The following SLC35F1 variants were observed in gnomAD, a reference collection of about 807,000 sequenced individuals.
SLC35F1 encodes the protein chromosome 6 open reading frame 169.
In SLC35F1, 14 loss-of-function variants were observed where a neutral mutation model predicts 48.7. That is an observed-to-expected ratio of 0.29 (90% confidence interval 0.19 to 0.45). SLC35F1 has a LOEUF of 0.45. SLC35F1 is among the 20% of genes least tolerant of loss of function. The pLI, the probability that SLC35F1 is intolerant of heterozygous loss-of-function variation, is 1.00. For synonymous variants in SLC35F1, 190 were observed against 202.2 expected, an observed-to-expected ratio of 0.94 and a Z score of 0.51; for missense variants, 404 against 500.0, an observed-to-expected ratio of 0.81 and a Z score of 1.83.
intron 3 of SLC35F1, among the ~76,000 whole-genome samples, chr6:118,257,715 G>A (rs1251283718): frequency 1.3e-5 from 2 of 152,136 alleles, no homozygotes; most frequent in African/African-American, 4.8e-5. Context: ...ACAAAAGACA[G>A]CCTCTAAATA....
intron 2 of SLC35F1, among the ~76,000 whole-genome samples, chr6:118,215,818 G>A (rs1348657461): frequency 1.4e-4 from 22 of 152,118 alleles, no homozygotes. Flanking sequence ...AGGGGCAGAG[G>A]CAAAGCTACA....
intron 1 of SLC35F1, among the ~76,000 whole-genome samples, chr6:118,079,067 A>AT (rs202019824): frequency 2.6e-5 from 4 of 152,282 alleles, no homozygotes; most frequent in East Asian, 1.9e-4. Context: ...TTTGTATACA[A>AT]TTTTTTTGTG....
At chr6:118,056,403 C>T (rs2114263952) in intron 1 of SLC35F1, among the ~76,000 whole-genome samples, 1 of 152,272 alleles carries the variant, frequency 6.6e-6, no homozygotes, top group Non-Finnish European at 1.5e-5. Context: ...GTGCTAGTCT[C>T]ATCATATTTA....
At chr6:118,150,556 T>A (rs1360532651) in intron 1 of SLC35F1, among the ~76,000 whole-genome samples, 2 of 152,160 alleles carry the variant, frequency 1.3e-5, no homozygotes, top group Admixed American at 6.6e-5. Flanking sequence ...ACTGCAGGAA[T>A]CCATGTCATA....
chr6:118,004,669 C>T lies in SLC35F1; in HGVS notation c.173+96770C>T, dbSNP rs200702309. On this transcript the variant is annotated intron_variant, in intron 1 of 7. Transcript: ENST00000360388. ...CTCAAACTTCTGGGTTCAAGTGATCCTCCCACTTGAGCCTCCTGAGTAGCT... is the reference window on the plus strand; with the variant it reads ...CTCAAACTTCTGGGTTCAAGTGATCTTCCCACTTGAGCCTCCTGAGTAGCT... Among the ~76,000 whole-genome samples the T allele has an allele frequency of 6.6e-5, 10 of 152,180 alleles. No homozygotes were observed. In the East Asian group the frequency reaches 1.9e-3, roughly 29 times the overall value.
intron 7 of SLC35F1, among the ~76,000 whole-genome samples, chr6:118,299,349 C>T (rs1776230139): frequency 1.3e-5 from 2 of 152,206 alleles, no homozygotes; most frequent in Non-Finnish European, 2.9e-5. Flanking sequence ...TGAGTTGTTA[C>T]AGCCCAGCTG....
chr6:118,120,228 C>T (rs1325628481), intron 1 of SLC35F1, among the ~76,000 whole-genome samples: 1 of 152,120 alleles, frequency 6.6e-6, no homozygotes, highest in Non-Finnish European at 1.5e-5. Flanking sequence ...AGAGAGTTAG[C>T]TGAGACTAGG....
rs1447116260 is a variant in SLC35F1 at position 118,235,629 on chromosome 6, G to C, written c.470G>C (p.Ser157Thr). The C allele has an allele frequency of 6.2e-7, 1 of 1,611,752 alleles. No individual in the cohort carries two copies. The highest frequency in any genetic ancestry group is 8.5e-7 in the Non-Finnish European group (1 of 1,178,910). ...GCTTACCAATACACAACTCTGACCAGTATCCAGGTACCCATGGTTCTTCTT... is the reference window on the plus strand; with the variant it reads ...GCTTACCAATACACAACTCTGACCACTATCCAGGTACCCATGGTTCTTCTT... Reference protein sequence around the residue: ...VKAYQYTTLTSIQLLDCFVIP... With the variant: ...VKAYQYTTLTTIQLLDCFVIP... The change falls in exon 3 of 8, where the codon AGT becomes ACT. Residue 157 changes from serine to threonine, a missense_variant. By Grantham distance (58) the Ser-to-Thr change is moderately conservative. Around this residue, in one of 2 missense-constraint regions of SLC35F1, gnomAD observed 306 missense variants for 419.1 expected, o/e 0.73. Transcript: ENST00000360388.
intron 1 of SLC35F1, among the ~76,000 whole-genome samples, chr6:117,994,043 C>T (rs1347216867): frequency 6.6e-6 from 1 of 152,124 alleles, no homozygotes; most frequent in African/African-American, 2.4e-5. Context: ...CTCTTCTCTG[C>T]AGGCGCTAGG....
chr6:118,270,396 A>G (rs778251971), intron 4 of SLC35F1, among the ~76,000 whole-genome samples: 2 of 152,166 alleles, frequency 1.3e-5, no homozygotes, highest in Non-Finnish European at 2.9e-5. Flanking sequence ...ATGAAACTTG[A>G]CCAGCAAGTT....
At position 118,129,211 on chromosome 6, in the gene SLC35F1, A is replaced by G. The variant is rs78792891; in HGVS notation, c.174-25234A>G. ...TGAGATTGGGCCTTAGAGGAAATCA[A>G]TGAAAGCAATAGCGATAGTAGAGAA... On this transcript the variant is annotated intron_variant, in intron 1 of 7. Transcript: ENST00000360388. 1.7e-4 allele frequency among the ~76,000 whole-genome samples: 26 copies of G among 152,316 alleles called. No individual in the cohort carries two copies. In the East Asian group the frequency reaches 5.0e-3, roughly 29 times the overall value.
At chr6:118,002,278 A>G (rs553611378) in intron 1 of SLC35F1, among the ~76,000 whole-genome samples, 9 of 152,232 alleles carry the variant, frequency 5.9e-5, no homozygotes, top group South Asian at 2.1e-4. Flanking sequence ...GCCATAAAAA[A>G]TGAAGAGTTT....
intron 1 of SLC35F1, among the ~76,000 whole-genome samples, chr6:117,961,198 G>A (rs1776493891): frequency 6.6e-6 from 1 of 152,144 alleles, no homozygotes; most frequent in African/African-American, 2.4e-5. Context: ...TGAACTCCAT[G>A]AAAAACTTGG....
intron 1 of SLC35F1, among the ~76,000 whole-genome samples, chr6:117,931,417 A>G (rs1043835913): frequency 6.6e-6 from 1 of 152,114 alleles, no homozygotes; most frequent in African/African-American, 2.4e-5. Flanking sequence ...ATCCCCAAAG[A>G]CATTTTTTTC....
intron 7 of SLC35F1, among the ~76,000 whole-genome samples, chr6:118,305,536 G>T (rs1776302577): frequency 6.6e-6 from 1 of 151,876 alleles, no homozygotes; most frequent in African/African-American, 2.4e-5. Flanking sequence ...TAATAATAAG[G>T]TGCTATTTTT....
intron 2 of SLC35F1, among the ~76,000 whole-genome samples, chr6:118,196,438 G>A (rs936569639): frequency 3.9e-5 from 6 of 152,096 alleles, no homozygotes; most frequent in African/African-American, 1.4e-4. Flanking sequence ...AAAATCAGCT[G>A]GGGCCAGTGG....
intron 1 of SLC35F1, among the ~76,000 whole-genome samples, chr6:117,926,073 A>T (rs997951180): frequency 7.9e-5 from 12 of 152,166 alleles, no homozygotes; most frequent in African/African-American, 2.9e-4. Context: ...ATCTAAGCAT[A>T]TGACAGTGAT....
intron 1 of SLC35F1, among the ~76,000 whole-genome samples, chr6:118,113,527 C>T (rs1773438338): frequency 6.6e-6 from 1 of 152,146 alleles, no homozygotes; most frequent in African/African-American, 2.4e-5. Context: ...TTTCTATTCA[C>T]TTTTGCTGTG....
chr6:118,148,124 T>C (rs1334343488), intron 1 of SLC35F1, among the ~76,000 whole-genome samples: 2 of 152,204 alleles, frequency 1.3e-5, no homozygotes, highest in Non-Finnish European at 1.5e-5. Flanking sequence ...TACTTAGGTG[T>C]TCATTATGTA....
Sources: allele counts gnomAD v4.1 joint callset (sites outside exome capture counted in the v4.1 genomes callset), GRCh38; gene constraint gnomAD v4.1.1; regional missense constraint gnomAD v4.1.1; transcripts MANE v1.5; gene names NCBI Gene and HGNC (gene_info 2026-07-23, HGNC 2026-07-21).